The following RIT2 variants were observed in gnomAD, a reference collection of about 807,000 sequenced individuals.
RIT2 encodes the protein Ras like without CAAX 2.
Under a neutral mutation model 23.7 loss-of-function variants are expected in RIT2, and 24 were observed. That is an observed-to-expected ratio of 1.01 (90% CI 0.73 to 1.43). RIT2 has a LOEUF of 1.43. Ranked by LOEUF, RIT2 falls within the 40% of genes most tolerant of loss-of-function variation. The probability of loss-of-function intolerance (pLI) is 0.00; values close to 1 mark genes in which losing one functional copy is unlikely to be tolerated. For missense variants in RIT2, 236 were observed against 266.9 expected (o/e 0.88, Z 0.81); for synonymous variants, 107 against 91.1 (o/e 1.17, Z -0.99).
At chr18:42,784,524 G>A (rs943379995) in intron 4 of RIT2, among the ~76,000 whole-genome samples, 2 of 151,858 alleles carry the variant, frequency 1.3e-5, no homozygotes, top group African/African-American at 4.8e-5. Flanking sequence ...GCTTTACATG[G>A]TACTTGATTG....
intron 4 of RIT2, among the ~76,000 whole-genome samples, chr18:42,829,063 TG>T (rs1213204781): frequency 1.3e-5 from 2 of 152,128 alleles, no homozygotes; most frequent in African/African-American, 2.4e-5. Flanking sequence ...AAGAAATTCC[TG>T]GGATCCTTCC....
At chr18:42,866,158 A>G (rs1907464303) in intron 4 of RIT2, among the ~76,000 whole-genome samples, 1 of 152,202 alleles carries the variant, frequency 6.6e-6, no homozygotes, top group Non-Finnish European at 1.5e-5. Context: ...AACAATTGAC[A>G]TGAGAAGCTG....
At chr18:42,762,505 C>G (rs1913324854) in intron 4 of RIT2, among the ~76,000 whole-genome samples, 1 of 152,168 alleles carries the variant, frequency 6.6e-6, no homozygotes, top group Non-Finnish European at 1.5e-5. Flanking sequence ...AACTGCTTGA[C>G]CACACCAGAT....
intron 1 of RIT2, among the ~76,000 whole-genome samples, chr18:43,074,159 C>T (rs1912959929): frequency 6.6e-6 from 1 of 152,126 alleles, no homozygotes; most frequent in South Asian, 2.1e-4. Flanking sequence ...AGCATAAGAA[C>T]AGTGGCAGTA....
At chr18:42,978,144 T>C (rs1910515157) in intron 2 of RIT2, among the ~76,000 whole-genome samples, 3 of 151,838 alleles carry the variant, frequency 2.0e-5, no homozygotes, top group South Asian at 4.2e-4. Context: ...GCACGCTGAG[T>C]AATCTAGGTG....
intron 1 of RIT2, among the ~76,000 whole-genome samples, chr18:43,035,631 A>C (rs996475418): frequency 6.6e-6 from 1 of 152,182 alleles, no homozygotes; most frequent in Admixed American, 6.5e-5. Flanking sequence ...ATCATTCTCA[A>C]TACCTGATCA....
chr18:43,096,551 T>G (rs1203495557), intron 1 of RIT2, among the ~76,000 whole-genome samples: 1 of 151,942 alleles, frequency 6.6e-6, no homozygotes, highest in Non-Finnish European at 1.5e-5. Flanking sequence ...ATTAACATAT[T>G]ATGTTTTGGT....
intron 2 of RIT2, among the ~76,000 whole-genome samples, chr18:43,022,098 A>G (rs1891391673): frequency 6.6e-6 from 1 of 152,190 alleles, no homozygotes; most frequent in Admixed American, 6.5e-5. Flanking sequence ...AACGTGATAC[A>G]TAAACACAAT....
At chr18:42,913,204 A>C (rs1908816646) in intron 4 of RIT2, among the ~76,000 whole-genome samples, 1 of 151,766 alleles carries the variant, frequency 6.6e-6, no homozygotes, top group Admixed American at 6.6e-5. Context: ...AGCCAAAAAA[A>C]AAAAACAAAT....
chr18:43,062,611 G>T (rs540052312), intron 1 of RIT2, among the ~76,000 whole-genome samples: 1 of 152,242 alleles, frequency 6.6e-6, no homozygotes, highest in East Asian at 1.9e-4. Context: ...CAGAAGAACC[G>T]CTAAATTGGT....
Position 43,033,795 on chromosome 18 carries a change from G to A in RIT2, c.160+16C>T. 6.3e-7 allele frequency: 1 copy of A among 1,575,874 alleles called. No individual in the cohort carries two copies. The highest frequency in any genetic ancestry group is 8.7e-7 in the Non-Finnish European group (1 of 1,148,220). ...GTCTTTATTTGAGCTTACGGAGAAA[G>A]GAAGCTTCCACTTACCTATAGTAGG... On this transcript the variant is annotated intron_variant, in intron 2 of 4. Transcript: ENST00000326695.
At chr18:42,769,900 G>C in intron 4 of RIT2, among the ~76,000 whole-genome samples, 1 of 150,938 alleles carries the variant, frequency 6.6e-6, no homozygotes, top group Admixed American at 6.6e-5. Context: ...ACCATGCCTA[G>C]AGCCACTGGA....
intron 2 of RIT2, among the ~76,000 whole-genome samples, chr18:43,023,955 A>C (rs1911653303): frequency 6.6e-6 from 1 of 152,130 alleles, no homozygotes; most frequent in Non-Finnish European, 1.5e-5. Context: ...AGGAAATATC[A>C]AGTGCACAGA....
At chr18:42,878,394 G>A (rs909960473) in intron 4 of RIT2, among the ~76,000 whole-genome samples, 4 of 151,990 alleles carry the variant, frequency 2.6e-5, no homozygotes, top group African/African-American at 9.6e-5. Flanking sequence ...TTAAATAGAA[G>A]TGAATCATCA....
chr18:43,021,287 CA>C (rs1487099318), intron 2 of RIT2, among the ~76,000 whole-genome samples: 1 of 151,930 alleles, frequency 6.6e-6, no homozygotes, highest in Non-Finnish European at 1.5e-5. Context: ...AAGAAATGCT[CA>C]ATATAATTAA....
At chr18:42,858,040 G>A (rs1907232457) in intron 4 of RIT2, among the ~76,000 whole-genome samples, 1 of 152,078 alleles carries the variant, frequency 6.6e-6, no homozygotes, top group African/African-American at 2.4e-5. Flanking sequence ...AATTAGCTGG[G>A]CATGGTGGCG....
intron 2 of RIT2, among the ~76,000 whole-genome samples, chr18:43,032,782 T>C (rs1911887478): frequency 6.6e-6 from 1 of 152,162 alleles, no homozygotes; most frequent in Non-Finnish European, 1.5e-5. Context: ...GTTTTATATA[T>C]GTCAGCAATG....
At chr18:42,950,416 G>A (rs1909822615) in intron 3 of RIT2, among the ~76,000 whole-genome samples, 1 of 152,022 alleles carries the variant, frequency 6.6e-6, no homozygotes. Context: ...AGATTTAAAT[G>A]TAAGACCTCA....
At position 42,743,374 on chromosome 18, in the gene RIT2, C is replaced by T; in HGVS notation, c.*119G>A. 1.3e-6 allele frequency: 1 copy of T among 752,806 alleles called. No individual in the cohort carries two copies. The highest frequency in any genetic ancestry group is 2.2e-6 in the Non-Finnish European group (1 of 457,370). The allele number at this position is 752,806 out of a possible 1,614,324, so 46.6% of individuals were successfully genotyped here. On this transcript the variant is annotated 3_prime_UTR_variant, in exon 5 of 5. Transcript: ENST00000326695. ...GATATGCAGAGCTTGCTTTTACCTA[C>T]AGGCAGATATTTAAAGAGAGAGAGA...
Sources: gnomAD v4.1 joint callset for allele counts (sites outside exome capture counted in the v4.1 genomes callset) on GRCh38, gnomAD v4.1.1 for gene constraint, MANE v1.5 for transcripts, NCBI Gene and HGNC (gene_info 2026-07-23, HGNC 2026-07-21) for gene names.